Variants in MYLK4 observed in about 807,000 individuals in gnomAD.
MYLK4 encodes the protein myosin light chain kinase family member 4.
A neutral mutation model predicts 48.1 loss-of-function variants in MYLK4; 46 were observed. That is an observed-to-expected ratio of 0.96 (90% confidence interval 0.75 to 1.22). The LOEUF is 1.22. Ranked by LOEUF, MYLK4 falls within the 50% of genes most tolerant of loss-of-function variation. The probability of loss-of-function intolerance (pLI) is 0.00; values close to 1 mark genes in which losing one functional copy is unlikely to be tolerated. For missense variants in MYLK4, 451 were observed against 486.1 expected, an observed-to-expected ratio of 0.93 and a Z score of 0.68; for synonymous variants, 170 against 180.8, an observed-to-expected ratio of 0.94 and a Z score of 0.48.
intron 2 of MYLK4, among the ~76,000 whole-genome samples, chr6:2,730,112 C>T (rs1168929470): frequency 1.3e-5 from 2 of 152,218 alleles, no homozygotes; most frequent in African/African-American, 4.8e-5. Context: ...AGGCCATCTG[C>T]CTGCAGCATG....
intron 2 of MYLK4, among the ~76,000 whole-genome samples, chr6:2,717,474 C>T (rs552058557): frequency 7.9e-5 from 12 of 152,268 alleles, no homozygotes; most frequent in South Asian, 6.2e-4. Context: ...GGCTGTTGGG[C>T]GTTGGGAGAT....
intron 4 of MYLK4, among the ~76,000 whole-genome samples, chr6:2,686,186 G>A (rs558609919): frequency 2.8e-4 from 43 of 152,082 alleles, no homozygotes; most frequent in African/African-American, 1.0e-3. Context: ...CTGCATTTCA[G>A]CACATTTCTT....
chr6:2,672,853 T>C lies in MYLK4; in HGVS notation c.1120-1505A>G, dbSNP rs1435789345. Among the ~76,000 whole-genome samples the C allele has an allele frequency of 6.6e-6, 1 of 152,216 alleles. No homozygotes were observed. Among genetic ancestry groups the C allele is most frequent in the African/African-American group, 2.4e-5 (1 of 41,452 alleles). ...CCAGAGCTCAGCCCTGTCCTGAGTG[T>C]TCTCAGCTACAGACACTAATGTGCC... is the stretch of plus-strand genomic sequence containing the variant. On this transcript the variant is annotated intron_variant, in intron 11 of 12. Coordinates refer to ENST00000274643, the MANE Select transcript of MYLK4 (RefSeq NM_001012418.5). The surrounding 1 kb of genome is among the most constrained non-coding windows in gnomAD (Gnocchi z 4.3).
chr6:2,758,653 C>T, the MYLK4 span, among the ~76,000 whole-genome samples: 8 of 152,058 alleles, frequency 5.3e-5, no homozygotes, highest in Non-Finnish European at 7.4e-5. Flanking sequence ...ATTTTCCTTG[C>T]AATTTTACCA....
the MYLK4 span, chr6:2,765,655 C>T: frequency 1.7e-5 from 26 of 1,546,746 alleles, no homozygotes; most frequent in South Asian, 1.1e-4. Flanking sequence ...ACGACCCCTT[C>T]CTTTCGCAGC....
At chr6:2,756,539 C>T in the MYLK4 span, among the ~76,000 whole-genome samples, 2 of 152,112 alleles carry the variant, frequency 1.3e-5, no homozygotes, top group Non-Finnish European at 2.9e-5. Flanking sequence ...TCACTGTAGA[C>T]ACTTCAGAGG....
chr6:2,749,760 C>T (rs759766237), intron 1 of MYLK4, among the ~76,000 whole-genome samples: 2 of 152,102 alleles, frequency 1.3e-5, no homozygotes, highest in Non-Finnish European at 2.9e-5. Flanking sequence ...TTTGCAGCCC[C>T]GTGGGAAGGG....
At chr6:2,770,159 CTGAT>C in the MYLK4 span, 4 of 1,614,238 alleles carry the variant, frequency 2.5e-6, no homozygotes, top group South Asian at 2.2e-5. Flanking sequence ...GACGATCACT[CTGAT>C]TGGGGCAACC....
At chr6:2,690,047 C>T (rs1460499721) in intron 3 of MYLK4, among the ~76,000 whole-genome samples, 1 of 152,184 alleles carries the variant, frequency 6.6e-6, no homozygotes, top group Non-Finnish European at 1.5e-5. Flanking sequence ...GGCATTATAT[C>T]TCCTGCAGGC....
the MYLK4 span, chr6:2,765,359 G>T: frequency 2.8e-5 from 8 of 281,114 alleles, no homozygotes; most frequent in Non-Finnish European, 5.2e-5. Context: ...GCCGCGCGAG[G>T]CGCCTCCGCC....
intron 2 of MYLK4, among the ~76,000 whole-genome samples, chr6:2,744,763 C>T (rs920166024): frequency 5.3e-5 from 8 of 152,298 alleles, no homozygotes; most frequent in African/African-American, 1.7e-4. Flanking sequence ...TGTTTCTACC[C>T]CCACAGCTTT....
At chr6:2,678,149 C>G in intron 10 of MYLK4, 71 bp downstream of exon 10, 1 of 1,535,756 alleles carries the variant, frequency 6.5e-7, no homozygotes, top group Non-Finnish European at 8.8e-7. Context: ...TAAATTCGAA[C>G]AGCCCTGGTG....
chr6:2,679,502 C>T, intron 8 of MYLK4, 94 bp from the exon 9 acceptor site: 1 of 1,449,900 alleles, frequency 6.9e-7, no homozygotes, highest in Non-Finnish European at 9.7e-7. Flanking sequence ...ATGACTTCAG[C>T]CATACAGCAA....
intron 2 of MYLK4, among the ~76,000 whole-genome samples, chr6:2,741,074 G>T (rs1327519537): frequency 2.0e-5 from 3 of 147,200 alleles, no homozygotes; most frequent in African/African-American, 7.6e-5. Flanking sequence ...CTTTATTTTT[G>T]CTTTGGCTAA....
At chr6:2,740,496 C>T (rs1000603480) in intron 2 of MYLK4, among the ~76,000 whole-genome samples, 8 of 152,206 alleles carry the variant, frequency 5.3e-5, no homozygotes, top group Non-Finnish European at 5.9e-5. Context: ...GTGCCAATTG[C>T]CTGCTTCAGT....
At chr6:2,687,888 A>G (rs890387905) in intron 4 of MYLK4, among the ~76,000 whole-genome samples, 4 of 152,056 alleles carry the variant, frequency 2.6e-5, no homozygotes, top group African/African-American at 9.7e-5. Context: ...TCCTCTTCCT[A>G]TTTTACACAG....
chr6:2,731,456 C>A (rs1427412774), intron 2 of MYLK4, among the ~76,000 whole-genome samples: 1 of 152,180 alleles, frequency 6.6e-6, no homozygotes, highest in Non-Finnish European at 1.5e-5. Flanking sequence ...TTCCTTCACC[C>A]CATGCTGAGC....
At chr6:2,761,365 T>C in the MYLK4 span, among the ~76,000 whole-genome samples, 5 of 152,226 alleles carry the variant, frequency 3.3e-5, no homozygotes, top group Non-Finnish European at 5.9e-5. Flanking sequence ...TTAAATTTAT[T>C]TGTATTTATG....
At chr6:2,706,223 G>T (rs904149371) in intron 2 of MYLK4, among the ~76,000 whole-genome samples, 2 of 152,086 alleles carry the variant, frequency 1.3e-5, no homozygotes, top group Non-Finnish European at 2.9e-5. Context: ...TGTTTTCTGT[G>T]ATGTTTAGAA....
Sources: gnomAD v4.1 joint callset for allele counts (sites outside exome capture counted in the v4.1 genomes callset) on GRCh38, gnomAD v4.1.1 for gene constraint, Gnocchi (gnomAD v3.1) non-coding constraint, MANE v1.5 for transcripts, NCBI Gene and HGNC (gene_info 2026-07-23, HGNC 2026-07-21) for gene names.